Variants in LOC128092252 observed in about 807,000 individuals in gnomAD.
At chr15:50,651,110 C>A in the LOC128092252 span, among the ~76,000 whole-genome samples, 1 of 152,048 alleles carries the variant, frequency 6.6e-6, no homozygotes, top group East Asian at 1.9e-4. Flanking sequence ...CTGCTTGAGC[C>A]CAGGAGGCAG....
chr15:50,678,786 T>G, the LOC128092252 span, among the ~76,000 whole-genome samples: 1 of 152,028 alleles, frequency 6.6e-6, no homozygotes, highest in South Asian at 2.1e-4. Context: ...CCCCAACACT[T>G]TGGGAGGCCA....
chr15:50,662,976 T>G, the LOC128092252 span: 1 of 1,612,748 alleles, frequency 6.2e-7, no homozygotes, highest in Non-Finnish European at 8.5e-7. Context: ...CCTGTGAGGG[T>G]CCTTGGAACT....
chr15:50,670,973 A>G, the LOC128092252 span, among the ~76,000 whole-genome samples: 1 of 152,296 alleles, frequency 6.6e-6, no homozygotes, highest in Admixed American at 6.5e-5. Flanking sequence ...CAGGAATTTG[A>G]GACCAGATAA....
chr15:50,679,769 A>G, the LOC128092252 span, among the ~76,000 whole-genome samples: 1 of 151,028 alleles, frequency 6.6e-6, no homozygotes, highest in Non-Finnish European at 1.5e-5. Flanking sequence ...TCCTAGCTTC[A>G]AGCAATCCTC....
the LOC128092252 span, among the ~76,000 whole-genome samples, chr15:50,651,368 G>A: frequency 3.3e-5 from 5 of 152,208 alleles, no homozygotes; most frequent in Admixed American, 6.5e-5. Flanking sequence ...GCTTGACGCC[G>A]GGTGTGGTGG....
At chr15:50,685,523 A>G in the LOC128092252 span, among the ~76,000 whole-genome samples, 1 of 152,232 alleles carries the variant, frequency 6.6e-6, no homozygotes, top group African/African-American at 2.4e-5. Flanking sequence ...TCAAAGTATT[A>G]CTACATTTGT....
chr15:50,663,105 C>G, the LOC128092252 span: 4 of 1,280,898 alleles, frequency 3.1e-6, no homozygotes, highest in South Asian at 1.3e-5. Flanking sequence ...AAGAAGGAAA[C>G]AATTTCATGA....
At chr15:50,650,712 A>C in the LOC128092252 span, among the ~76,000 whole-genome samples, 21 of 152,026 alleles carry the variant, frequency 1.4e-4, no homozygotes, top group South Asian at 4.2e-4. Context: ...ACAAAAAAAA[A>C]CAAAAAAATC....
chr15:50,657,827 A>C, the LOC128092252 span: 9 of 1,609,370 alleles, frequency 5.6e-6, no homozygotes, highest in African/African-American at 9.3e-5. Context: ...CATCTATTGA[A>C]CACAAAAAGG....
At chr15:50,656,100 T>C in the LOC128092252 span, among the ~76,000 whole-genome samples, 1 of 151,476 alleles carries the variant, frequency 6.6e-6, no homozygotes, top group African/African-American at 2.4e-5. Context: ...ATAAAAGAAA[T>C]ATATTTTCAG....
chr15:50,666,845 G>A, the LOC128092252 span, among the ~76,000 whole-genome samples: 1 of 152,094 alleles, frequency 6.6e-6, no homozygotes, highest in Non-Finnish European at 1.5e-5. Flanking sequence ...ACAAGTAATA[G>A]TAAGACTGAA....
At chr15:50,672,149 G>C in the LOC128092252 span, among the ~76,000 whole-genome samples, 1 of 152,022 alleles carries the variant, frequency 6.6e-6, no homozygotes, top group African/African-American at 2.4e-5. Flanking sequence ...CATCTCCCGG[G>C]TTCACGCCAT....
At chr15:50,672,944 T>TAAAGA in the LOC128092252 span, among the ~76,000 whole-genome samples, 1 of 120,700 alleles carries the variant, frequency 8.3e-6, no homozygotes, top group African/African-American at 3.1e-5. Flanking sequence ...AATAAGTATA[T>TAAAGA]AAAGAAAATG....
the LOC128092252 span, among the ~76,000 whole-genome samples, chr15:50,677,066 A>G: frequency 6.6e-6 from 1 of 152,178 alleles, no homozygotes; most frequent in African/African-American, 2.4e-5. Context: ...AATACCACAC[A>G]GACTTGGTGG....
the LOC128092252 span, among the ~76,000 whole-genome samples, chr15:50,679,538 A>ATATATATTTT: frequency 1.6e-4 from 7 of 43,900 alleles, no homozygotes; most frequent in African/African-American, 7.5e-4. Context: ...ATATATATAT[A>ATATATATTTT]TTTTTTTTTT....
chr15:50,650,334 T>A, the LOC128092252 span, among the ~76,000 whole-genome samples: 1 of 151,596 alleles, frequency 6.6e-6, no homozygotes. Context: ...AGAGTAGAGA[T>A]CTCATAACAC....
At chr15:50,667,612 C>G in the LOC128092252 span, among the ~76,000 whole-genome samples, 1 of 152,152 alleles carries the variant, frequency 6.6e-6, no homozygotes, top group African/African-American at 2.4e-5. Context: ...GAAGCTGAGG[C>G]AGGAGAATCG....
chr15:50,660,478 C>T, the LOC128092252 span, among the ~76,000 whole-genome samples: 1 of 151,968 alleles, frequency 6.6e-6, no homozygotes, highest in South Asian at 2.1e-4. Flanking sequence ...CATGGTGAAA[C>T]CCCTGTCTCT....
chr15:50,659,149 C>T, the LOC128092252 span, among the ~76,000 whole-genome samples: 19 of 150,688 alleles, frequency 1.3e-4, no homozygotes, highest in African/African-American at 3.7e-4. Context: ...AGTGAGACTA[C>T]GCCACTGCAC....
Sources: gnomAD v4.1 joint callset for allele counts (sites outside exome capture counted in the v4.1 genomes callset) on GRCh38, gnomAD v4.1.1 for gene constraint, MANE v1.5 for transcripts.